GSE1: variants seen among roughly 807,000 people sequenced by gnomAD.
GSE1 encodes the protein Gse1 coiled-coil protein.
Under a neutral mutation model 112.6 loss-of-function variants are expected in GSE1, and 32 were observed. That is an observed-to-expected ratio of 0.28 (90% CI 0.21 to 0.38). The LOEUF is 0.38. Ranked by LOEUF, GSE1 falls within the 10% of genes least tolerant of loss-of-function variation. GSE1 has a pLI of 1.00. For missense variants in GSE1, 2,348 were observed against 1,699.2 expected (o/e 1.38, Z -6.71); for synonymous variants, 1,115 against 735.6 (o/e 1.52, Z -8.35).
In GSE1 at chr16:85,646,084, CTA is replaced by C. The variant is rs1428183609; in HGVS notation, c.227-2467_227-2466del. ...TCCTATGCATGCATTCTACCTGCTT[CTA>C]CCACGCTTCCTATGCATGCATTCTA... On this transcript the variant is annotated intron_variant, in intron 2 of 15. Transcript: ENST00000253458. 2.0e-3 allele frequency among the ~76,000 whole-genome samples: 257 copies of C among 131,762 alleles called. 8 individuals are homozygous for C. The highest frequency in any genetic ancestry group is 8.1e-3 in the African/African-American group (238 of 29,274). The allele number at this position is 131,762 out of a possible 152,430, so 86.4% of individuals were successfully genotyped here.
chr16:85,343,341 C>T (rs2046664708), intron 1 of GSE1, among the ~76,000 whole-genome samples: 1 of 152,136 alleles, frequency 6.6e-6, no homozygotes, highest in Non-Finnish European at 1.5e-5. Flanking sequence ...TTATCAATTC[C>T]TGCTTGTGGC....
At chr16:85,208,539 C>G (rs1026509644) in intron 1 of GSE1, among the ~76,000 whole-genome samples, 1 of 152,238 alleles carries the variant, frequency 6.6e-6, no homozygotes, top group African/African-American at 2.4e-5. Flanking sequence ...TCCCCTTTCA[C>G]ATGATTCCAA....
intron 1 of GSE1, among the ~76,000 whole-genome samples, chr16:85,232,124 T>C (rs539870291): frequency 6.6e-6 from 1 of 152,266 alleles, no homozygotes; most frequent in East Asian, 1.9e-4. Context: ...AAGCAAGGCG[T>C]TGGCCTTCGA....
At chr16:85,191,320 A>G (rs1469385934) in intron 1 of GSE1, among the ~76,000 whole-genome samples, 1 of 152,240 alleles carries the variant, frequency 6.6e-6, no homozygotes, top group African/African-American at 2.4e-5. Flanking sequence ...TTGCAGCTTT[A>G]TTATATAATT....
At chr16:85,358,487 C>G (rs1328885864) in intron 2 of GSE1, among the ~76,000 whole-genome samples, 2 of 152,206 alleles carry the variant, frequency 1.3e-5, no homozygotes, top group Non-Finnish European at 2.9e-5. Flanking sequence ...CAGCCCGCCC[C>G]TGGTGCCAAC....
chr16:85,218,677 G>A (rs1013030494), intron 1 of GSE1, among the ~76,000 whole-genome samples: 3 of 152,078 alleles, frequency 2.0e-5, no homozygotes, highest in African/African-American at 7.2e-5. Flanking sequence ...AGCAAGTGAC[G>A]GGCCCAGCTC....
At chr16:85,301,345 T>C (rs1230685688) in intron 1 of GSE1, among the ~76,000 whole-genome samples, 1 of 152,132 alleles carries the variant, frequency 6.6e-6, no homozygotes, top group Non-Finnish European at 1.5e-5. Flanking sequence ...ATGGGGGTGA[T>C]TGAGGAAGGC....
chr16:85,581,351 G>C (rs1048125484), intron 1 of GSE1, among the ~76,000 whole-genome samples: 2 of 152,196 alleles, frequency 1.3e-5, no homozygotes, highest in African/African-American at 4.8e-5. Context: ...ATGTCTTCAG[G>C]TTGCTGGGGG....
chr16:85,542,899 G>T (rs1033435289), intron 2 of GSE1, among the ~76,000 whole-genome samples: 2 of 152,196 alleles, frequency 1.3e-5, no homozygotes, highest in Admixed American at 1.3e-4. Flanking sequence ...CCTGAGAAAT[G>T]GAAGCCACTG....
At chr16:85,390,200 C>A (rs1003425728) in intron 2 of GSE1, among the ~76,000 whole-genome samples, 1 of 152,176 alleles carries the variant, frequency 6.6e-6, no homozygotes, top group Non-Finnish European at 1.5e-5. Flanking sequence ...CTGGGACAGT[C>A]GCTGGCACAC....
At chr16:85,638,028 C>T (rs910753841) in intron 2 of GSE1, among the ~76,000 whole-genome samples, 51 of 152,304 alleles carry the variant, frequency 3.3e-4, no homozygotes, top group African/African-American at 1.0e-3. Context: ...CTGCCCCACG[C>T]GGCCCCTCCT....
chr16:85,518,382 T>G (rs1281183005), intron 2 of GSE1, among the ~76,000 whole-genome samples: 1 of 152,142 alleles, frequency 6.6e-6, no homozygotes. Context: ...GGAACCGTCC[T>G]GTGTGCTGTG....
intron 1 of GSE1, among the ~76,000 whole-genome samples, chr16:85,356,227 G>T (rs1017060223): frequency 6.6e-6 from 1 of 152,210 alleles, no homozygotes; most frequent in Non-Finnish European, 1.5e-5. Context: ...CATCGTCGTC[G>T]TCATGGTAGT....
chr16:85,530,607 G>A (rs2044105763), intron 2 of GSE1, among the ~76,000 whole-genome samples: 2 of 152,216 alleles, frequency 1.3e-5, no homozygotes, highest in African/African-American at 2.4e-5. Context: ...CCCACTCCAT[G>A]AGGATTACAG....
chr16:85,362,718 A>T (rs1275055254), intron 2 of GSE1, among the ~76,000 whole-genome samples: 5 of 151,912 alleles, frequency 3.3e-5, no homozygotes, highest in African/African-American at 4.8e-5. Flanking sequence ...TGCTTTCTGC[A>T]TGGCCATTGG....
chr16:85,619,314 C>A (rs990609561), intron 1 of GSE1, among the ~76,000 whole-genome samples: 2 of 152,062 alleles, frequency 1.3e-5, no homozygotes, highest in Non-Finnish European at 2.9e-5. Flanking sequence ...TGAAGGGTAT[C>A]GACCGCCCAG....
intron 1 of GSE1, among the ~76,000 whole-genome samples, chr16:85,601,730 C>T (rs866588563): frequency 2.6e-5 from 4 of 152,156 alleles, no homozygotes; most frequent in African/African-American, 9.7e-5. Context: ...CAACAAGAGC[C>T]GCAGCAGAGG....
intron 1 of GSE1, among the ~76,000 whole-genome samples, chr16:85,560,096 A>G (rs566430309): frequency 6.8e-6 from 1 of 147,958 alleles, no homozygotes; most frequent in East Asian, 2.0e-4. Flanking sequence ...AATTATTTGC[A>G]GCAAGTCACA....
rs55650214 is a variant in GSE1 at position 85,500,998 on chromosome 16, G to GTTTTTTTTT, written c.2465-132899_2465-132891dup. On this transcript the variant is annotated intron_variant, in intron 2 of 2. Coordinates refer to the GSE1 transcript ENST00000637419. ...ACCCTACTCCAGTATGGCCTGTTCT[G>GTTTTTTTTT]TTTTTTTTTTTTTTTTTTTTTTTTT... Among the ~76,000 whole-genome samples the GTTTTTTTTT allele has an allele frequency of 5.7e-4, 37 of 64,836 alleles. 4 individuals are homozygous for GTTTTTTTTT. Among genetic ancestry groups the GTTTTTTTTT allele is most frequent in the East Asian group, 1.6e-3 (3 of 1,820 alleles). 42.5% of individuals were successfully genotyped at this position (64,836 alleles called of 152,430 possible).
Sources: allele counts gnomAD v4.1 joint callset (sites outside exome capture counted in the v4.1 genomes callset), GRCh38; gene constraint gnomAD v4.1.1; transcripts MANE v1.5; gene names NCBI Gene and HGNC (gene_info 2026-07-23, HGNC 2026-07-21).